The following CPT1A variants were observed in gnomAD, a reference collection of about 807,000 sequenced individuals.
The protein encoded by CPT1A is carnitine palmitoyltransferase 1A.
Under a neutral mutation model 100.8 loss-of-function variants are expected in CPT1A, and 64 were observed. That is an observed-to-expected ratio of 0.63 (90% confidence interval 0.52 to 0.78). The LOEUF is 0.78. Ranked by LOEUF, CPT1A falls within the 30% of genes least tolerant of loss-of-function variation. CPT1A has a pLI of 0.00. For synonymous variants in CPT1A, 363 were observed against 396.0 expected (o/e 0.92, Z 0.99); for missense variants, 802 against 1,034.1 (o/e 0.78, Z 3.08).
intron 9 of CPT1A, 87 bp from the exon 10 acceptor site, chr11:68,785,097 G>C: frequency 1.7e-6 from 2 of 1,144,772 alleles, no homozygotes; most frequent in Non-Finnish European, 2.6e-6. Flanking sequence ...TCTGCAAAGG[G>C]CATGGGAGTC....
At chr11:68,835,958 G>T (rs1012997175) in intron 1 of CPT1A, among the ~76,000 whole-genome samples, 10 of 152,172 alleles carry the variant, frequency 6.6e-5, no homozygotes, top group African/African-American at 1.7e-4. Context: ...GCAGGAACAC[G>T]TTCTTTGTCC....
At chr11:68,799,512 G>T (rs1000477856) in intron 5 of CPT1A, among the ~76,000 whole-genome samples, 157 bp from the exon 6 acceptor site, 2 of 152,134 alleles carry the variant, frequency 1.3e-5, no homozygotes. Flanking sequence ...ACTTTGGGAG[G>T]TCAAGGCCAG....
chr11:68,768,654 C>G (rs534376474), intron 14 of CPT1A, among the ~76,000 whole-genome samples: 1 of 152,276 alleles, frequency 6.6e-6, no homozygotes, highest in East Asian at 1.9e-4. Flanking sequence ...GATCCACCTG[C>G]CTAGGCCTCC....
chr11:68,785,509 C>T (rs905270702), intron 9 of CPT1A, among the ~76,000 whole-genome samples: 4 of 143,208 alleles, frequency 2.8e-5, no homozygotes, highest in South Asian at 4.4e-4. Context: ...TGCAGTGAGC[C>T]GAGATCACCC....
At chr11:68,831,334 G>T (rs1856872307) in intron 1 of CPT1A, among the ~76,000 whole-genome samples, 2 of 152,164 alleles carry the variant, frequency 1.3e-5, no homozygotes, top group Admixed American at 6.5e-5. Flanking sequence ...CAGGTGAAAG[G>T]TCAGCTTGAT....
At chr11:68,792,757 G>GA (rs916962432) in intron 9 of CPT1A, among the ~76,000 whole-genome samples, 2 of 152,112 alleles carry the variant, frequency 1.3e-5, no homozygotes, top group South Asian at 2.1e-4. Flanking sequence ...CCAGACTCAG[G>GA]AAAAAAACAC....
At position 68,831,194 on chromosome 11, in the gene CPT1A, C is replaced by A. The variant is rs146152098; in HGVS notation, c.-14+10581G>T. ...TTTCACCTCTTTCGAAGTCATTGGCCTATGAATCCTAACACTGGCCATGTA... is the reference window on the plus strand; with the variant it reads ...TTTCACCTCTTTCGAAGTCATTGGCATATGAATCCTAACACTGGCCATGTA... On this transcript the variant is annotated intron_variant, in intron 1 of 18. Coordinates refer to ENST00000265641, the MANE Select transcript of CPT1A (RefSeq NM_001876.4). Among the ~76,000 whole-genome samples, 285 of 152,238 alleles carry A rather than the reference C, an allele frequency of 1.9e-3. 4 individuals are homozygous for A. Among genetic ancestry groups the A allele is most frequent in the Admixed American group, 0.016 (244 of 15,276 alleles).
At chr11:68,816,916 TG>T (rs1856421052) in intron 1 of CPT1A, among the ~76,000 whole-genome samples, 2 of 10,810 alleles carry the variant, frequency 1.9e-4, no homozygotes, top group African/African-American at 3.4e-4. Context: ...GTGTGTGTGG[TG>T]TGTGTGTGGG....
Position 68,829,017 on chromosome 11 carries a change from G to A in CPT1A, c.-14+12758C>T, listed in dbSNP as rs1386953037. ...ACACTGCACCTGACCTTCCAAGCAC[G>A]TCTTCACCCAGCCAAAACTTCACCA... On this transcript the variant is annotated intron_variant, in intron 1 of 18. Transcript: ENST00000265641. 2.6e-5 allele frequency among the ~76,000 whole-genome samples: 4 copies of A among 152,204 alleles called. No individual in the cohort carries two copies. The East Asian group carries it at 5.8e-4, about 22-fold the overall frequency.
intron 1 of CPT1A, among the ~76,000 whole-genome samples, chr11:68,827,771 C>T (rs75923988): frequency 0.036 from 5,460 of 152,250 alleles, 153 homozygotes; most frequent in South Asian, 0.14. Context: ...CAAGTGCATA[C>T]AGTGCCACCA....
At chr11:68,782,567 C>T (rs1855342525) in intron 10 of CPT1A, among the ~76,000 whole-genome samples, 1 of 152,188 alleles carries the variant, frequency 6.6e-6, no homozygotes, top group Admixed American at 6.5e-5. Flanking sequence ...GGTCTCCGTG[C>T]CCGTCTTATT....
rs143977389 is a variant in CPT1A at position 68,771,098 on chromosome 11, G to A, written c.1740+2167C>T. 1.9e-4 allele frequency among the ~76,000 whole-genome samples: 29 copies of A among 152,308 alleles called. No individual in the cohort carries two copies. In the East Asian group the frequency reaches 4.0e-3, roughly 21 times the overall value. On this transcript the variant is annotated intron_variant, in intron 14 of 18. Coordinates refer to ENST00000265641, the MANE Select transcript of CPT1A (RefSeq NM_001876.4). ...CACGTGGGTTCTGGGGAGCAGATGG[G>A]GTGGCTTCCTTTGTGGAGTCTCTGA...
At chr11:68,778,742 AAAG>A (rs573805889) in intron 12 of CPT1A, among the ~76,000 whole-genome samples, 198 of 152,280 alleles carry the variant, frequency 1.3e-3, no homozygotes, top group Middle Eastern at 0.01. Flanking sequence ...TTTAAAGAAA[AAAG>A]AAGGTCATAC....
At chr11:68,820,015 C>CGTTTGTTT (rs36030703) in intron 1 of CPT1A, among the ~76,000 whole-genome samples, 1,657 of 150,342 alleles carry the variant, frequency 0.011, 34 homozygotes, top group African/African-American at 0.036. Flanking sequence ...ACAGTTTGCA[C>CGTTTGTTT]GTTTGTTTGT....
chr11:68,763,787 G>A (rs1011949055), intron 14 of CPT1A, among the ~76,000 whole-genome samples: 24 of 152,286 alleles, frequency 1.6e-4, no homozygotes, highest in African/African-American at 5.5e-4. Flanking sequence ...CTCGTGGGGA[G>A]GGGAGACGAG....
intron 3 of CPT1A, among the ~76,000 whole-genome samples, chr11:68,811,082 A>C (rs1274293762): frequency 2.0e-5 from 3 of 152,200 alleles, no homozygotes; most frequent in African/African-American, 4.8e-5. Flanking sequence ...TGATTAAACA[A>C]TATTTATATG....
chr11:68,834,486 T>C (rs1249372798), intron 1 of CPT1A, among the ~76,000 whole-genome samples: 2 of 152,054 alleles, frequency 1.3e-5, no homozygotes, highest in Non-Finnish European at 2.9e-5. Flanking sequence ...GTATGGTGGC[T>C]CATGCCTGTA....
rs1378750398 is a variant in CPT1A, at chr11:68,807,482, G to A, written c.438C>T (p.Ala146=). 1 of 1,613,976 alleles carries A rather than the reference G, an allele frequency of 6.2e-7. No homozygotes were observed. The highest frequency in any genetic ancestry group is 1.3e-5 in the African/African-American group (1 of 74,918). ...MFTEHGKMSR[A]TKIWMGMVKI... ...ACGCAATTACCATCCAGATCTTGGT[G>A]GCACGACTCATCTTGCCGTGCTCAG... Residue 146 remains alanine (A), a synonymous_variant, in exon 4 of 19, where the codon GCC becomes GCT. Coordinates refer to ENST00000265641, the MANE Select transcript of CPT1A (RefSeq NM_001876.4).
chr11:68,799,107 G>A (rs897229963), intron 6 of CPT1A, 111 bp downstream of exon 6: 6 of 949,586 alleles, frequency 6.3e-6, no homozygotes, highest in Admixed American at 3.7e-5. Context: ...TTCCTAGGGT[G>A]TGATTTTGGC....
Sources: allele counts gnomAD v4.1 joint callset (sites outside exome capture counted in the v4.1 genomes callset), GRCh38; gene constraint gnomAD v4.1.1; transcripts MANE v1.5; gene names NCBI Gene and HGNC (gene_info 2026-07-23, HGNC 2026-07-21).